The following GCN1 variants were observed in gnomAD, a reference collection of about 807,000 sequenced individuals.
GCN1 encodes the protein stalled ribosome sensor GCN1.
GCN1 carries 90 observed loss-of-function variants against 288.4 expected under a neutral mutation model. The observed-to-expected ratio is 0.31, with a 90% CI of 0.26 to 0.37. The LOEUF is 0.37. Ranked by LOEUF, GCN1 falls within the 10% of genes least tolerant of loss-of-function variation. The pLI, the probability that GCN1 is intolerant of heterozygous loss-of-function variation, is 1.00. For synonymous variants in GCN1, 1,386 were observed against 1,420.2 expected (o/e 0.98, Z 0.54); for missense variants, 2,586 against 3,419.9 (o/e 0.76, Z 6.08).
chr12:120,134,430 A>G lies in GCN1; in HGVS notation c.7203-25T>C. 3 of 1,596,016 alleles carry G rather than the reference A, an allele frequency of 1.9e-6. No homozygotes were observed. Among genetic ancestry groups the G allele is most frequent in the Non-Finnish European group, 2.6e-6 (3 of 1,163,722 alleles). Reference sequence around the variant, plus strand: ...CCTGCAGAAGCAATGCACCGCCTTAAGCCCTGGGTGCCTCCACCACCACCC... The same window carrying G: ...CCTGCAGAAGCAATGCACCGCCTTAGGCCCTGGGTGCCTCCACCACCACCC... On this transcript the variant is annotated intron_variant, in intron 52 of 57. Coordinates refer to ENST00000300648, the MANE Select transcript of GCN1 (RefSeq NM_006836.2). The surrounding 1 kb of genome is among the most constrained non-coding windows in gnomAD (Gnocchi z 5.0).
intron 22 of GCN1, among the ~76,000 whole-genome samples, chr12:120,160,490 C>CA (rs1205719334): frequency 5.9e-5 from 9 of 152,194 alleles, no homozygotes; most frequent in Non-Finnish European, 1.3e-4. Context: ...TCTCTACTGA[C>CA]AAAGGCTAAG....
At position 120,155,703 on chromosome 12, in the gene GCN1, T is replaced by C; in HGVS notation, c.3329A>G (p.His1110Arg). Residue 1110 changes from histidine to arginine, a missense_variant, in exon 29 of 58, where the codon CAC becomes CGC. Transcript: ENST00000300648. This position sits in a 1 kb window ranked among gnomAD's most constrained non-coding sequence, Gnocchi z 4.9. ...ETVLRGLMEL[H>R]MVLPAPDTDE... ...AGTATCAGGTGCTGGCAATACCATG[T>C]GGAGTTCCATCAGCCCCTGGAAGGG... 4 of 1,614,022 alleles carry C rather than the reference T, an allele frequency of 2.5e-6. No individual in the cohort carries two copies. In the South Asian group the frequency reaches 4.4e-5, roughly 18 times the overall value.
At chr12:120,189,635 G>A (rs999924065) in intron 2 of GCN1, among the ~76,000 whole-genome samples, 12 of 151,796 alleles carry the variant, frequency 7.9e-5, no homozygotes, top group African/African-American at 1.2e-4. Flanking sequence ...CCAAAGTGCT[G>A]GGATTACAGG....
chr12:120,135,608 C>A (rs1876977355), intron 51 of GCN1, among the ~76,000 whole-genome samples: 1 of 152,082 alleles, frequency 6.6e-6, no homozygotes, highest in Non-Finnish European at 1.5e-5. Context: ...GGTAATCTGC[C>A]CACCTCGGCC....
At position 120,170,318 on chromosome 12, in the gene GCN1, T is replaced by A; in HGVS notation, c.1370A>T (p.Asp457Val). The change falls in exon 15 of 58, where the codon GAC becomes GTC. Residue 457 changes from aspartate (D) to valine (V), a missense_variant. Physicochemically the swap from Asp to Val is radical, Grantham distance 152. Transcript: ENST00000300648. ...TAAGTCCAGGGCCTGCAACAGCGTG[T>A]CACCTGTGGAGAGAGGACAAGCACC... ...LQCMLASYRG[D>V]TLLQALDLLP... 1 of 1,613,960 alleles carries A rather than the reference T, an allele frequency of 6.2e-7. No homozygotes were observed. The highest frequency in any genetic ancestry group is 2.2e-5 in the East Asian group (1 of 44,886).
chr12:120,153,218 G>GGGAGGGGGT lies in GCN1; in HGVS notation c.4048_4056dup (p.Thr1350_Ser1352dup). ...CCAGGCCAGATGGCAGGTACCTGCT[G>GGGAGGGGGT]GGAGGGGGTGGAGAGGGCAGCGATG... On this transcript the variant is annotated inframe_insertion, in exon 33 of 58. Transcript: ENST00000300648. The surrounding 1 kb of genome is among the most constrained non-coding windows in gnomAD (Gnocchi z 4.4). 6.2e-7 allele frequency: 1 copy of GGGAGGGGGT among 1,613,844 alleles called. No homozygotes were observed. The highest frequency in any genetic ancestry group is 8.5e-7 in the Non-Finnish European group (1 of 1,179,774).
chr12:120,161,922 T>A lies in GCN1; in HGVS notation c.2300A>T (p.Gln767Leu). 3 of 1,614,160 alleles carry A rather than the reference T, an allele frequency of 1.9e-6. No homozygotes were observed. Among genetic ancestry groups the A allele is most frequent in the Non-Finnish European group, 2.5e-6 (3 of 1,180,026 alleles). Reference protein sequence around the residue: ...LVTREEFAIMQTPAGELYDKS... With the variant: ...LVTREEFAIMLTPAGELYDKS... ...GTCATACAGCTCCCCAGCAGGGGTCTGCATAATGGCAAACTCCTCCCGCGT... is the reference window on the plus strand; with the variant it reads ...GTCATACAGCTCCCCAGCAGGGGTCAGCATAATGGCAAACTCCTCCCGCGT... The change falls in exon 21 of 58, where the codon CAG becomes CTG. Residue 767 changes from glutamine (Q) to leucine (L), a missense_variant. Gln to Leu is a moderately radical substitution (Grantham distance 113). Around this residue, in one of 8 missense-constraint regions of GCN1, gnomAD observed 913 missense variants for 1,107.0 expected, o/e 0.82. Coordinates refer to ENST00000300648, the MANE Select transcript of GCN1 (RefSeq NM_006836.2).
At position 120,142,759 on chromosome 12, in the gene GCN1, C is replaced by T; in HGVS notation, c.5614-37G>A. The T allele has an allele frequency of 6.2e-7, 1 of 1,607,584 alleles. No individual in the cohort carries two copies. Among genetic ancestry groups the T allele is most frequent in the Non-Finnish European group, 8.5e-7 (1 of 1,174,040 alleles). On this transcript the variant is annotated intron_variant, in intron 43 of 57. Coordinates refer to ENST00000300648, the MANE Select transcript of GCN1 (RefSeq NM_006836.2). This position sits in a 1 kb window ranked among gnomAD's most constrained non-coding sequence, Gnocchi z 4.9. ...AGAAGGGGACAGAGAGTAGTGAAGC[C>T]TCTATGGCATGGGCATCAGGGCACA...
At position 120,137,694 on chromosome 12, in the gene GCN1, C is replaced by T. The variant is rs760396154; in HGVS notation, c.6514G>A (p.Ala2172Thr). Residue 2172 changes from alanine to threonine, a missense_variant, in exon 49 of 58, where the codon GCC (alanine) becomes ACC (threonine). Ala to Thr is a moderately conservative substitution (Grantham distance 58, BLOSUM62 0). Transcript: ENST00000300648. This position sits in a 1 kb window ranked among gnomAD's most constrained non-coding sequence, Gnocchi z 5.2. ...GAACAGTAGATGTTGAGGATGATGG[C>T]AGCAGCTTGCCTCATGCCCACCTCA... ...SPEVGMRQAA[A>T]IILNIYCSRS... 6.2e-7 allele frequency: 1 copy of T among 1,614,168 alleles called. No individual in the cohort carries two copies. Among genetic ancestry groups the T allele is most frequent in the Non-Finnish European group, 8.5e-7 (1 of 1,180,026 alleles).
chr12:120,129,398 T>C lies in GCN1; in HGVS notation c.7768A>G (p.Ile2590Val), dbSNP rs1876736331. The C allele has an allele frequency of 6.2e-7, 1 of 1,613,808 alleles. No individual in the cohort carries two copies. The highest frequency in any genetic ancestry group is 1.3e-5 in the African/African-American group (1 of 74,906). The change falls in exon 57 of 58, where the codon ATC (isoleucine) becomes GTC (valine). Residue 2590 changes from isoleucine (I) to valine (V), a missense_variant. This residue lies in a region of GCN1 where 355 missense variants were observed against 431.1 expected (regional missense o/e 0.82). Transcript: ENST00000300648. ...DPLPPLDPQA[I>V]KPILKALLDN... ...AGAAGAGCCTTCAGGATGGGCTTGA[T>C]GGCCTGGGGGTCCAGGGGAGGCAGT...
chr12:120,183,637 T>A lies in GCN1; in HGVS notation c.358A>T (p.Thr120Ser). 6.2e-7 allele frequency: 1 copy of A among 1,613,852 alleles called. No homozygotes were observed. Among genetic ancestry groups the A allele is most frequent in the Non-Finnish European group, 8.5e-7 (1 of 1,179,784 alleles). The change falls in exon 5 of 58, where the codon ACC (threonine) becomes TCC (serine). Residue 120 changes from threonine (T) to serine (S), a missense_variant. By Grantham distance (58) the Thr-to-Ser change is moderately conservative. This residue lies in a region of GCN1 where 913 missense variants were observed against 1,107.0 expected (regional missense o/e 0.82). Transcript: ENST00000300648. ...AAGACAATGCGCACCAGGAGGCAGG[T>A]CCAGGTCAAGGCCAGCAAGGCGGCA... ...GSAALLALTW[T>S]CLLVRIVFPS...
intron 53 of GCN1, among the ~76,000 whole-genome samples, chr12:120,132,957 A>G (rs1876878064): frequency 6.6e-6 from 1 of 152,216 alleles, no homozygotes; most frequent in East Asian, 1.9e-4. Context: ...AACTTCATCT[A>G]TTTTAAGCTG....
At chr12:120,161,732 A>G in intron 21 of GCN1, 148 bp downstream of exon 21, 1 of 925,666 alleles carries the variant, frequency 1.1e-6, no homozygotes, top group Non-Finnish European at 1.7e-6. Context: ...CCAGGACCTA[A>G]GCACCGTGCC....
chr12:120,190,109 A>G (rs1878955815), intron 2 of GCN1, among the ~76,000 whole-genome samples, 189 bp downstream of exon 2: 1 of 151,966 alleles, frequency 6.6e-6, no homozygotes, highest in South Asian at 2.1e-4. Context: ...CTGTAATCCC[A>G]GCTACTCGGG....
intron 12 of GCN1, 119 bp downstream of exon 12, chr12:120,175,043 C>T (rs1878434316): frequency 5.0e-6 from 4 of 807,110 alleles, no homozygotes; most frequent in Non-Finnish European, 7.9e-6. Context: ...ATGAGGATCG[C>T]TTGAACCTGG....
intron 54 of GCN1, among the ~76,000 whole-genome samples, chr12:120,131,722 T>TC (rs1594257242): frequency 1.3e-5 from 2 of 152,132 alleles, no homozygotes; most frequent in African/African-American, 4.8e-5. Flanking sequence ...CAACTGATCC[T>TC]CCCACCTCAG....
intron 33 of GCN1, 23 bp from the exon 34 acceptor site, chr12:120,151,414 A>G (rs374507985): frequency 1.4e-5 from 23 of 1,611,490 alleles, no homozygotes; most frequent in African/African-American, 6.7e-5. Flanking sequence ...CCACCTGTCA[A>G]TGCTGTGGCT....
chr12:120,159,459 C>T (rs1019090566), intron 24 of GCN1, among the ~76,000 whole-genome samples: 1 of 152,196 alleles, frequency 6.6e-6, no homozygotes, highest in African/African-American at 2.4e-5. Flanking sequence ...TCTCAAGGGC[C>T]TCTGCTCACT....
At chr12:120,175,951 C>T in intron 10 of GCN1, 77 bp from the exon 11 acceptor site, 2 of 1,518,114 alleles carry the variant, frequency 1.3e-6, no homozygotes, top group Non-Finnish European at 9.0e-7. Flanking sequence ...TTTCCATGCC[C>T]CCATCTCTTC....
Sources: gnomAD v4.1 joint callset for allele counts (sites outside exome capture counted in the v4.1 genomes callset) on GRCh38, gnomAD v4.1.1 for gene constraint, gnomAD v4.1.1 regional missense constraint, Gnocchi (gnomAD v3.1) non-coding constraint, MANE v1.5 for transcripts, NCBI Gene and HGNC (gene_info 2026-07-23, HGNC 2026-07-21) for gene names.